GMDS: variants seen among roughly 807,000 people sequenced by gnomAD.
The protein encoded by GMDS is GDP-mannose 4,6 dehydratase.
A neutral mutation model predicts 49.9 loss-of-function variants in GMDS; 20 were observed. That is an observed-to-expected ratio of 0.40 (90% CI 0.28 to 0.58). GMDS has a LOEUF of 0.58. GMDS is among the 20% of genes least tolerant of loss of function. GMDS has a pLI of 0.42. For synonymous variants in GMDS, 177 were observed against 178.6 expected (o/e 0.99, Z 0.07); for missense variants, 362 against 481.4 (o/e 0.75, Z 2.32).
intron 7 of GMDS, among the ~76,000 whole-genome samples, chr6:1,823,548 A>C (rs1471002879): frequency 6.6e-6 from 1 of 152,104 alleles, no homozygotes; most frequent in East Asian, 1.9e-4. Context: ...TTCCTCCTGC[A>C]TGTGTCCTGA....
At chr6:1,668,016 G>C (rs1764290130) in intron 9 of GMDS, among the ~76,000 whole-genome samples, 1 of 152,152 alleles carries the variant, frequency 6.6e-6, no homozygotes, top group Admixed American at 6.5e-5. Context: ...AAGTCCCAGG[G>C]TGAATGAAGG....
At chr6:1,757,675 CTTGG>C (rs1049576534) in intron 7 of GMDS, among the ~76,000 whole-genome samples, 2 of 152,330 alleles carry the variant, frequency 1.3e-5, no homozygotes, top group African/African-American at 4.8e-5. Flanking sequence ...CACTAGGTTT[CTTGG>C]TTGAAGTGTT....
chr6:2,053,915 T>C (rs1455340640), intron 4 of GMDS, among the ~76,000 whole-genome samples: 2 of 152,112 alleles, frequency 1.3e-5, no homozygotes, highest in South Asian at 2.1e-4. Context: ...TTTCCTCCTA[T>C]TACATACACA....
At chr6:1,878,306 A>C (rs551900444) in intron 7 of GMDS, among the ~76,000 whole-genome samples, 201 of 120,500 alleles carry the variant, frequency 1.7e-3, no homozygotes, top group African/African-American at 4.6e-3. Context: ...CAGAGCGAGA[A>C]TCCATCTCAA....
intron 9 of GMDS, among the ~76,000 whole-genome samples, chr6:1,627,234 A>C (rs1274000285): frequency 6.6e-6 from 1 of 152,190 alleles, no homozygotes; most frequent in East Asian, 1.9e-4. Flanking sequence ...ACTTCTTCCC[A>C]TTGTGTCATT....
intron 9 of GMDS, among the ~76,000 whole-genome samples, chr6:1,696,021 A>C (rs76069387): frequency 0.011 from 1,686 of 151,530 alleles, 31 homozygotes; most frequent in African/African-American, 0.039. Context: ...TTTGACGATG[A>C]AGCTACAGGC....
intron 4 of GMDS, among the ~76,000 whole-genome samples, chr6:2,048,268 A>G (rs1265704117): frequency 2.0e-5 from 3 of 152,216 alleles, no homozygotes; most frequent in Admixed American, 2.0e-4. Flanking sequence ...TTCACATTCT[A>G]TAATCCATGT....
At chr6:1,938,765 G>A (rs1762666231) in intron 6 of GMDS, among the ~76,000 whole-genome samples, 1 of 151,658 alleles carries the variant, frequency 6.6e-6, no homozygotes, top group Admixed American at 6.6e-5. Context: ...TTTTCTTCTG[G>A]GAAAGGATAT....
intron 7 of GMDS, among the ~76,000 whole-genome samples, chr6:1,845,375 A>C (rs1416631061): frequency 6.6e-6 from 1 of 152,238 alleles, no homozygotes; most frequent in African/African-American, 2.4e-5. Context: ...TGTACCATTT[A>C]TCAGTGATGA....
intron 7 of GMDS, among the ~76,000 whole-genome samples, chr6:1,743,591 AG>A (rs1252643240): frequency 6.6e-6 from 1 of 151,934 alleles, no homozygotes; most frequent in East Asian, 1.9e-4. Flanking sequence ...CTTTCTCAGT[AG>A]GAGCCAGGAG....
chr6:2,239,041 T>A (rs948819756), intron 1 of GMDS, among the ~76,000 whole-genome samples: 1 of 152,026 alleles, frequency 6.6e-6, no homozygotes, highest in African/African-American at 2.4e-5. Context: ...AAAAAAAAAC[T>A]ATCCTGGCCG....
chr6:2,056,492 G>A (rs1242331842), intron 4 of GMDS, among the ~76,000 whole-genome samples: 1 of 152,068 alleles, frequency 6.6e-6, no homozygotes, highest in Non-Finnish European at 1.5e-5. Context: ...ATGTAAAAGA[G>A]GGCCATTCCA....
intron 7 of GMDS, among the ~76,000 whole-genome samples, chr6:1,859,663 A>G (rs1413333724): frequency 6.6e-6 from 1 of 152,142 alleles, no homozygotes; most frequent in Non-Finnish European, 1.5e-5. Context: ...GAGCCTCTGG[A>G]AGCACAGCCT....
At chr6:2,164,853 G>A (rs1581735888) in intron 1 of GMDS, among the ~76,000 whole-genome samples, 1 of 152,306 alleles carries the variant, frequency 6.6e-6, no homozygotes, top group East Asian at 1.9e-4. Flanking sequence ...AAATGCTTGA[G>A]CTCATCCTTT....
chr6:2,174,933 G>A (rs1778200723), intron 1 of GMDS, among the ~76,000 whole-genome samples: 1 of 152,116 alleles, frequency 6.6e-6, no homozygotes, highest in South Asian at 2.1e-4. Flanking sequence ...GATAAGACAT[G>A]CACCTGGGAA....
intron 1 of GMDS, among the ~76,000 whole-genome samples, chr6:2,192,084 G>C (rs1238084436): frequency 6.6e-6 from 1 of 152,176 alleles, no homozygotes; most frequent in Non-Finnish European, 1.5e-5. Flanking sequence ...TCTCTGCTAA[G>C]AGCTGCAGAG....
At position 1,683,952 on chromosome 6, in the gene GMDS, G is replaced by C. The variant is rs1472826737; in HGVS notation, c.987+42464C>G. 3.3e-5 allele frequency among the ~76,000 whole-genome samples: 5 copies of C among 149,426 alleles called. No individual in the cohort carries two copies. The East Asian group carries it at 1.0e-3, about 30-fold the overall frequency. On this transcript the variant is annotated intron_variant, in intron 9 of 10. Transcript: ENST00000380815. The stretch of plus-strand genomic sequence containing the variant: ...GATCCGCCCTCTATCAGCTATGAGG[G>C]TGGGGTTTGCCATCGGTAGGCCTGG...
At chr6:1,992,302 G>T (rs1048502462) in intron 4 of GMDS, among the ~76,000 whole-genome samples, 3 of 152,130 alleles carry the variant, frequency 2.0e-5, no homozygotes, top group Non-Finnish European at 4.4e-5. Context: ...CACTAACCTG[G>T]TGATCTCTCT....
chr6:2,129,440 A>T (rs1775616373), intron 1 of GMDS, among the ~76,000 whole-genome samples: 1 of 152,202 alleles, frequency 6.6e-6, no homozygotes, highest in Admixed American at 6.5e-5. Flanking sequence ...TCTGAACTGC[A>T]TGCTAAATCA....
Sources: gnomAD v4.1 joint callset for allele counts (sites outside exome capture counted in the v4.1 genomes callset) on GRCh38, gnomAD v4.1.1 for gene constraint, MANE v1.5 for transcripts, NCBI Gene and HGNC (gene_info 2026-07-23, HGNC 2026-07-21) for gene names.